The following ING5 variants were observed in gnomAD, a reference collection of about 807,000 sequenced individuals.
ING5 encodes inhibitor of growth family member 5, also known as inhibitor of growth protein 5.
In ING5, 17 loss-of-function variants were observed where a neutral mutation model predicts 37.4. The observed-to-expected ratio is 0.45, with a 90% CI of 0.31 to 0.68. ING5 has a LOEUF of 0.68. Ranked by LOEUF, ING5 falls within the 30% of genes least tolerant of loss-of-function variation. The pLI is 0.05. For synonymous variants in ING5, 123 were observed against 116.6 expected (o/e 1.06, Z -0.36); for missense variants, 233 against 311.9 (o/e 0.75, Z 1.91).
intron 5 of ING5, among the ~76,000 whole-genome samples, chr2:241,718,334 TCCC>T (rs2070332665): frequency 7.0e-6 from 1 of 143,302 alleles, no homozygotes; most frequent in Non-Finnish European, 1.5e-5. Context: ...CCTCCCTCCC[TCCC>T]TCACTTCCTT....
chr2:241,725,702 C>A lies in ING5; in HGVS notation c.*671C>A, dbSNP rs1245648162. The A allele has an allele frequency of 6.6e-6, 1 of 152,634 alleles. No individual in the cohort carries two copies. The highest frequency in any genetic ancestry group is 2.4e-5 in the African/African-American group (1 of 41,456). The allele number at this position is 152,634 out of a possible 1,614,324, so 9.5% of individuals were successfully genotyped here. A position where few individuals can be genotyped will look rare whatever the true frequency, so the allele number is the denominator to read the frequency against. On this transcript the variant is annotated 3_prime_UTR_variant, in exon 8 of 8. Transcript: ENST00000313552. ...CGGCTCTTCATTAGCTTGGAGTGGCCGCAGGTCCCGTGACCAGCACCCGCG... is the reference window on the plus strand; with the variant it reads ...CGGCTCTTCATTAGCTTGGAGTGGCAGCAGGTCCCGTGACCAGCACCCGCG...
At position 241,726,315 on chromosome 2, in the gene ING5, C is replaced by G. The variant is rs1331578060; in HGVS notation, c.*1284C>G. 1.3e-5 allele frequency: 2 copies of G among 152,234 alleles called. No homozygotes were observed. Among genetic ancestry groups the G allele is most frequent in the Non-Finnish European group, 2.9e-5 (2 of 68,046 alleles). 9.4% of individuals were successfully genotyped at this position (152,234 alleles called of 1,614,324 possible). A position where few individuals can be genotyped will look rare whatever the true frequency, so the allele number is the denominator to read the frequency against. On this transcript the variant is annotated 3_prime_UTR_variant, in exon 8 of 8. Coordinates refer to ENST00000313552, the MANE Select transcript of ING5 (RefSeq NM_032329.6). ...CATGGTGGGGGGCCATTTGGAATGA[C>G]AGCCTCACTTCCTTCTGATGGCTAC...
chr2:241,687,282 G>A (rs1258570616), exon 1 of ING5: 1 of 398,250 alleles, frequency 2.5e-6, no homozygotes. Context: ...CGAGACGAAC[G>A]AGCGAGATGC....
chr2:241,701,245 T>C (rs2069718371), upstream of ING5, among the ~76,000 whole-genome samples: 1 of 152,180 alleles, frequency 6.6e-6, no homozygotes, highest in Admixed American at 6.5e-5. Flanking sequence ...ATTACAGGCG[T>C]GCGCCAGCGC....
chr2:241,698,192 C>T (rs2069658652), upstream of ING5, among the ~76,000 whole-genome samples: 1 of 151,146 alleles, frequency 6.6e-6, no homozygotes, highest in Non-Finnish European at 1.5e-5. Context: ...CGCCTGTAAT[C>T]CCAGCACTTT....
chr2:241,712,120 T>G, intron 5 of ING5, 49 bp downstream of exon 5: 2 of 1,399,624 alleles, frequency 1.4e-6, no homozygotes, highest in Non-Finnish European at 2.0e-6. Context: ...ACCCATAGCC[T>G]GTATCCCGGA....
chr2:241,717,187 GC>G (rs1559310357), intron 5 of ING5, among the ~76,000 whole-genome samples: 1 of 151,454 alleles, frequency 6.6e-6, no homozygotes, highest in Non-Finnish European at 1.5e-5. Context: ...TGATTCTTGT[GC>G]CTCAGCCTCC....
chr2:241,702,308 G>T (rs1038807718), intron 1 of ING5, among the ~76,000 whole-genome samples: 1 of 149,694 alleles, frequency 6.7e-6, no homozygotes, highest in Non-Finnish European at 1.5e-5. Context: ...GGGTCCCGCC[G>T]GCTGGGTCGC....
At chr2:241,700,690 G>C (rs1296095811), upstream of ING5, among the ~76,000 whole-genome samples, 1 of 151,882 alleles carries the variant, frequency 6.6e-6, no homozygotes, top group Non-Finnish European at 1.5e-5. Context: ...GCAGTTACAT[G>C]ATCTCTTCTC....
rs1691707884 is a variant in ING5, at chr2:241,728,489, C to T, written c.*3458C>T. 6.5e-6 allele frequency: 1 copy of T among 152,730 alleles called. No homozygotes were observed. 9.5% of individuals were successfully genotyped at this position (152,730 alleles called of 1,614,324 possible). A position where few individuals can be genotyped will look rare whatever the true frequency, so the allele number is the denominator to read the frequency against. ...GGGAAGGAGCGTTCTACCCATTTTC[C>T]TTGTTTTCAGTGCTGCGGTATCAGT... On this transcript the variant is annotated 3_prime_UTR_variant, in exon 8 of 8. Coordinates refer to ENST00000313552, the MANE Select transcript of ING5 (RefSeq NM_032329.6).
At chr2:241,724,027 G>A in intron 7 of ING5, 1 of 1,388,208 alleles carries the variant, frequency 7.2e-7, no homozygotes, top group Non-Finnish European at 9.3e-7. Context: ...TAAATAAAAA[G>A]ATAAAAACCT....
At chr2:241,724,052 G>A (rs995239017) in intron 7 of ING5, 19 of 1,388,600 alleles carry the variant, frequency 1.4e-5, no homozygotes, top group African/African-American at 2.9e-5. Flanking sequence ...TTGTTTGCCT[G>A]TGCTGAAAAT....
At chr2:241,717,698 T>C (rs2070313886) in intron 5 of ING5, among the ~76,000 whole-genome samples, 1 of 123,168 alleles carries the variant, frequency 8.1e-6, no homozygotes, top group Non-Finnish European at 1.6e-5. Context: ...GGTGGTTTCT[T>C]TTTTTTTTTT....
At chr2:241,716,090 C>T (rs754621522) in intron 5 of ING5, among the ~76,000 whole-genome samples, 24 of 151,836 alleles carry the variant, frequency 1.6e-4, no homozygotes, top group Admixed American at 9.2e-4. Flanking sequence ...CATGAGCCAC[C>T]GCACCCGGCC....
intron 1 of ING5, 25 bp downstream of exon 1, chr2:241,702,127 GC>G: frequency 7.8e-7 from 1 of 1,286,100 alleles, no homozygotes; most frequent in Non-Finnish European, 9.9e-7. Flanking sequence ...CGGGCCCCGC[GC>G]CCGCCGCCCA....
At chr2:241,701,703 C>G (rs1411462717), upstream of ING5, among the ~76,000 whole-genome samples, 1 of 152,168 alleles carries the variant, frequency 6.6e-6, no homozygotes, top group Non-Finnish European at 1.5e-5. Flanking sequence ...GGCGTGAGGT[C>G]CCCGGGACCA....
At chr2:241,712,497 A>G (rs971534744) in intron 5 of ING5, 1 of 157,850 alleles carries the variant, frequency 6.3e-6, no homozygotes, top group African/African-American at 2.4e-5. Flanking sequence ...TATAGTGTGC[A>G]TATATTCATT....
intron 5 of ING5, among the ~76,000 whole-genome samples, chr2:241,714,117 A>G (rs1430336244): frequency 6.6e-6 from 1 of 152,204 alleles, no homozygotes; most frequent in Admixed American, 6.5e-5. Flanking sequence ...GCACCTAGTC[A>G]GTGATTAACT....
At chr2:241,710,716 T>G (rs956074628) in intron 3 of ING5, among the ~76,000 whole-genome samples, 2 of 152,194 alleles carry the variant, frequency 1.3e-5, no homozygotes, top group African/African-American at 4.8e-5. Flanking sequence ...ACTCCCGACC[T>G]CAGGTGATTG....
Sources: allele counts gnomAD v4.1 joint callset (sites outside exome capture counted in the v4.1 genomes callset), GRCh38; gene constraint gnomAD v4.1.1; transcripts MANE v1.5; gene names NCBI Gene and HGNC (gene_info 2026-07-23, HGNC 2026-07-21).